Variants in GRIP1 observed in about 807,000 individuals in gnomAD.
GRIP1 encodes glutamate receptor-interacting protein 1.
In GRIP1, 45 loss-of-function variants were observed where a neutral mutation model predicts 129.9. The ratio of observed to expected loss-of-function variants is 0.35; its 90% confidence interval spans 0.27 to 0.44. GRIP1 has a LOEUF of 0.44. Among genes scored for constraint, GRIP1 ranks in the 20% least tolerant of loss-of-function variants. The pLI is 1.00. For missense variants in GRIP1, 1,196 were observed against 1,396.8 expected, an observed-to-expected ratio of 0.86 and a Z score of 2.29; for synonymous variants, 530 against 520.8, an observed-to-expected ratio of 1.02 and a Z score of -0.24.
chr12:66,849,217 G>C (rs2039869362), intron 1 of GRIP1, among the ~76,000 whole-genome samples: 1 of 151,976 alleles, frequency 6.6e-6, no homozygotes, highest in Non-Finnish European at 1.5e-5. Context: ...GCTCCTTCCT[G>C]CTAAGGAGAC....
intron 8 of GRIP1, among the ~76,000 whole-genome samples, chr12:66,464,818 CTG>C (rs66669633): frequency 0.27 from 41,136 of 150,194 alleles, 6,530 homozygotes; most frequent in African/African-American, 0.44. Context: ...GGCAAGAGAA[CTG>C]TGTGTGTGTG....
intron 1 of GRIP1, among the ~76,000 whole-genome samples, chr12:66,957,202 G>C (rs2041855359): frequency 6.6e-6 from 1 of 151,976 alleles, no homozygotes; most frequent in African/African-American, 2.4e-5. Context: ...GATACATATG[G>C]GGAGAAGATA....
At chr12:66,727,808 G>A (rs2036303288) in intron 1 of GRIP1, among the ~76,000 whole-genome samples, 1 of 152,178 alleles carries the variant, frequency 6.6e-6, no homozygotes, top group Non-Finnish European at 1.5e-5. Context: ...CACTGTAGGA[G>A]CTAAAATAGA....
chr12:66,460,724 G>A (rs1373741959), intron 9 of GRIP1, among the ~76,000 whole-genome samples: 3 of 152,166 alleles, frequency 2.0e-5, no homozygotes, highest in Non-Finnish European at 4.4e-5. Context: ...AGTGTGTTGA[G>A]AGACACACTG....
At chr12:66,754,303 CTA>C (rs1353815029) in intron 1 of GRIP1, among the ~76,000 whole-genome samples, 1 of 152,160 alleles carries the variant, frequency 6.6e-6, no homozygotes, top group Admixed American at 6.5e-5. Context: ...GGTTTATAGT[CTA>C]TGTTATCAAA....
At position 66,612,707 on chromosome 12, in the gene GRIP1, C is replaced by T. The variant is rs372372746; in HGVS notation, c.56-15780G>A. Reference sequence around the variant, plus strand: ...ATATAGAAAAGGTACAAATATGACACTATAATCTTATGGAGCCACCATCAT... The same window carrying T: ...ATATAGAAAAGGTACAAATATGACATTATAATCTTATGGAGCCACCATCAT... On this transcript the variant is annotated intron_variant, in intron 1 of 24. Coordinates refer to ENST00000359742, the MANE Select transcript of GRIP1 (RefSeq NM_001366722.1). Among the ~76,000 whole-genome samples the T allele has an allele frequency of 2.6e-4, 40 of 152,086 alleles. 1 individual carries two copies. The highest frequency in any genetic ancestry group is 8.9e-4 in the African/African-American group (37 of 41,516).
At chr12:66,653,994 G>C (rs2032980289) in intron 1 of GRIP1, among the ~76,000 whole-genome samples, 1 of 152,138 alleles carries the variant, frequency 6.6e-6, no homozygotes, top group African/African-American at 2.4e-5. Flanking sequence ...GATCACTGCA[G>C]GAACCAGTGG....
intron 1 of GRIP1, among the ~76,000 whole-genome samples, chr12:66,669,827 ATAGAG>A (rs754485443): frequency 3.9e-5 from 6 of 152,226 alleles, no homozygotes; most frequent in Admixed American, 6.5e-5. Flanking sequence ...TCCCACATAG[ATAGAG>A]TAGACTTCAA....
chr12:67,015,654 AAGG>A (rs1436869868), intron 1 of GRIP1, among the ~76,000 whole-genome samples: 1 of 152,222 alleles, frequency 6.6e-6, no homozygotes, highest in Non-Finnish European at 1.5e-5. Flanking sequence ...AAAGCGATGC[AAGG>A]AAGGAAACAA....
chr12:66,474,092 T>A (rs758343190), intron 7 of GRIP1, among the ~76,000 whole-genome samples: 1 of 151,598 alleles, frequency 6.6e-6, no homozygotes, highest in Non-Finnish European at 1.5e-5. Context: ...TGAAAAAAGG[T>A]TAGATGAATT....
At chr12:66,366,220 T>G (rs946224100) in intron 23 of GRIP1, among the ~76,000 whole-genome samples, 2 of 152,204 alleles carry the variant, frequency 1.3e-5, no homozygotes, top group Admixed American at 1.3e-4. Context: ...CTCCAAATAT[T>G]TGTGAAGAAA....
At chr12:67,049,870 T>C (rs929832461) in intron 1 of GRIP1, among the ~76,000 whole-genome samples, 1 of 151,962 alleles carries the variant, frequency 6.6e-6, no homozygotes, top group Non-Finnish European at 1.5e-5. Context: ...AGTATGGTGA[T>C]AATGGATGCT....
intron 2 of GRIP1, among the ~76,000 whole-genome samples, chr12:66,578,149 C>A (rs1215165649): frequency 6.6e-6 from 1 of 150,638 alleles, no homozygotes; most frequent in East Asian, 1.9e-4. Flanking sequence ...GGCCTGTAAT[C>A]CCAGCATTTT....
Position 66,954,786 on chromosome 12 carries a change from T to TA in GRIP1, c.58+114263dup, listed in dbSNP as rs529879380. ...AATCTGGCAGAGGGACACAGACATT[T>TA]AAAAAGCACATAATGAATATATAAA... On this transcript the variant is annotated intron_variant, in intron 1 of 1. Coordinates refer to the GRIP1 transcript ENST00000643019. Among the ~76,000 whole-genome samples, 259 of 151,984 alleles carry TA rather than the reference T, an allele frequency of 1.7e-3. 2 individuals carry two copies. Among genetic ancestry groups the TA allele is most frequent in the Non-Finnish European group, 3.0e-3 (204 of 67,996 alleles).
chr12:66,736,040 T>G (rs983332244), intron 1 of GRIP1, among the ~76,000 whole-genome samples: 1 of 152,096 alleles, frequency 6.6e-6, no homozygotes, highest in South Asian at 2.1e-4. Flanking sequence ...CCTTAAACAA[T>G]GCTGAGGGGT....
intron 2 of GRIP1, among the ~76,000 whole-genome samples, chr12:66,588,833 G>C (rs1264673089): frequency 6.7e-6 from 1 of 148,574 alleles, no homozygotes; most frequent in African/African-American, 2.5e-5. Context: ...GCTGGGCATG[G>C]TGGTGTACGT....
At chr12:66,890,490 A>G (rs1367690186) in intron 1 of GRIP1, among the ~76,000 whole-genome samples, 1 of 152,232 alleles carries the variant, frequency 6.6e-6, no homozygotes, top group East Asian at 1.9e-4. Flanking sequence ...ACACAGGTGA[A>G]CACAAGTCAA....
intron 1 of GRIP1, among the ~76,000 whole-genome samples, chr12:66,690,260 A>G (rs11176380): frequency 0.29 from 44,254 of 151,914 alleles, 7,329 homozygotes; most frequent in Admixed American, 0.38. Context: ...GTGAGATCAT[A>G]TAATATTGGT....
At chr12:66,749,837 A>G (rs1004792807) in intron 1 of GRIP1, among the ~76,000 whole-genome samples, 1 of 152,196 alleles carries the variant, frequency 6.6e-6, no homozygotes, top group Admixed American at 6.5e-5. Context: ...GCAGCATAGA[A>G]GGAGCCTGGC....
Sources: allele counts gnomAD v4.1 joint callset (sites outside exome capture counted in the v4.1 genomes callset), GRCh38; gene constraint gnomAD v4.1.1; transcripts MANE v1.5; gene names NCBI Gene and HGNC (gene_info 2026-07-23, HGNC 2026-07-21).